Variants in ANKRD55 observed in about 807,000 individuals in gnomAD.
ANKRD55 encodes the protein ankyrin repeat domain 55.
In ANKRD55, 41 loss-of-function variants were observed where a neutral mutation model predicts 60.6. The ratio of observed to expected loss-of-function variants is 0.68; its 90% confidence interval spans 0.53 to 0.88. ANKRD55 has a LOEUF of 0.88. Among genes scored for constraint, ANKRD55 ranks in the 40% least tolerant of loss-of-function variants. The pLI is 0.00. For synonymous variants in ANKRD55, 264 were observed against 290.3 expected (o/e 0.91, Z 0.92); for missense variants, 732 against 767.6 (o/e 0.95, Z 0.55).
chr5:56,100,338 G>T (rs747713392), intron 11 of ANKRD55, 34 bp from the exon 12 acceptor site: 1 of 1,613,272 alleles, frequency 6.2e-7, no homozygotes, highest in South Asian at 1.1e-5. Context: ...AGACTTTCAA[G>T]ATTTGCTTCT....
intron 2 of ANKRD55, among the ~76,000 whole-genome samples, chr5:56,200,401 C>T (rs892616204): frequency 6.6e-6 from 1 of 151,756 alleles, no homozygotes; most frequent in Non-Finnish European, 1.5e-5. Context: ...AAGATCATTT[C>T]TTTCCTTCAT....
chr5:56,192,227 A>G (rs1193639304), intron 2 of ANKRD55, among the ~76,000 whole-genome samples: 1 of 152,228 alleles, frequency 6.6e-6, no homozygotes. Flanking sequence ...CTTTAAACAG[A>G]TAGACTTCTG....
intron 7 of ANKRD55, among the ~76,000 whole-genome samples, chr5:56,128,623 C>T (rs1209787164): frequency 6.6e-6 from 1 of 152,190 alleles, no homozygotes; most frequent in African/African-American, 2.4e-5. Context: ...AAGATCCTCC[C>T]AGGAAGAATG....
chr5:56,223,789 A>G (rs1561298970), intron 2 of ANKRD55, among the ~76,000 whole-genome samples: 2 of 152,386 alleles, frequency 1.3e-5, no homozygotes, highest in South Asian at 4.1e-4. Context: ...AAGAAGAGCT[A>G]TCCTAAATAT....
intron 7 of ANKRD55, among the ~76,000 whole-genome samples, chr5:56,129,466 T>C (rs1406156737): frequency 2.6e-5 from 4 of 152,200 alleles, no homozygotes; most frequent in Admixed American, 6.5e-5. Context: ...GATTGGGAAC[T>C]GAGTCCTAGT....
intron 8 of ANKRD55, among the ~76,000 whole-genome samples, chr5:56,121,922 G>A (rs1286564086): frequency 6.6e-6 from 1 of 152,180 alleles, no homozygotes; most frequent in Non-Finnish European, 1.5e-5. Flanking sequence ...AGCACCTACT[G>A]TTTTCTAGGA....
intron 5 of ANKRD55, among the ~76,000 whole-genome samples, chr5:56,169,312 A>G (rs1758552932): frequency 6.6e-6 from 1 of 152,252 alleles, no homozygotes; most frequent in Non-Finnish European, 1.5e-5. Context: ...AAAAGCAATT[A>G]CGTAGAGTAA....
At chr5:56,115,708 T>C (rs1435468621) in intron 9 of ANKRD55, among the ~76,000 whole-genome samples, 1 of 152,150 alleles carries the variant, frequency 6.6e-6, no homozygotes, top group African/African-American at 2.4e-5. Flanking sequence ...CATGACAATA[T>C]TTTTGTTTTG....
intron 8 of ANKRD55, among the ~76,000 whole-genome samples, chr5:56,121,003 A>T (rs563950269): frequency 8.2e-4 from 125 of 151,910 alleles, no homozygotes; most frequent in African/African-American, 2.9e-3. Flanking sequence ...AGATACTAGG[A>T]GCGAGGGATG....
intron 2 of ANKRD55, among the ~76,000 whole-genome samples, chr5:56,204,175 T>A (rs1166843012): frequency 6.6e-6 from 1 of 152,234 alleles, no homozygotes; most frequent in East Asian, 1.9e-4. Context: ...TTGGTGGGGT[T>A]GCTTTTTTCT....
In ANKRD55 at chr5:56,123,245, AG is replaced by A. The variant is rs1757133122; in HGVS notation, c.797+3676del. ...CAGGTGGTCTCTCAGGCCTGGAGGC[AG>A]CCTGGCAGCTGGACAGAGAAGGGCT... On this transcript the variant is annotated intron_variant, in intron 8 of 11. Transcript: ENST00000341048. 2.6e-5 allele frequency among the ~76,000 whole-genome samples: 4 copies of A among 152,212 alleles called. No homozygotes were observed. In the South Asian group the frequency reaches 8.3e-4, roughly 32 times the overall value.
At chr5:56,186,301 G>A (rs1758972093) in intron 2 of ANKRD55, among the ~76,000 whole-genome samples, 1 of 152,124 alleles carries the variant, frequency 6.6e-6, no homozygotes, top group Non-Finnish European at 1.5e-5. Context: ...CTGAGTAGCT[G>A]GGACTACAGA....
intron 2 of ANKRD55, among the ~76,000 whole-genome samples, chr5:56,208,377 G>A (rs534903467): frequency 3.3e-5 from 5 of 151,580 alleles, no homozygotes; most frequent in South Asian, 2.1e-4. Flanking sequence ...AAGTATTAAC[G>A]TACTGTACAT....
intron 10 of ANKRD55, among the ~76,000 whole-genome samples, chr5:56,104,026 A>G (rs964250604): frequency 2.6e-5 from 4 of 152,188 alleles, no homozygotes; most frequent in Admixed American, 6.5e-5. Flanking sequence ...AAATAACTTC[A>G]GGAGCCATTA....
At chr5:56,165,795 G>GGTGC (rs1168135020) in intron 5 of ANKRD55, among the ~76,000 whole-genome samples, 5 of 152,106 alleles carry the variant, frequency 3.3e-5, no homozygotes, top group African/African-American at 1.2e-4. Context: ...CGGGCATGGT[G>GGTGC]GTGCGTGTCT....
At chr5:56,191,684 C>T (rs1361895784) in intron 2 of ANKRD55, among the ~76,000 whole-genome samples, 1 of 152,154 alleles carries the variant, frequency 6.6e-6, no homozygotes, top group African/African-American at 2.4e-5. Context: ...ACCACCAAAC[C>T]TGTTTAGAAG....
At chr5:56,127,230 G>C (rs945899088) in intron 7 of ANKRD55, 124 bp from the exon 8 acceptor site, 1 of 1,311,490 alleles carries the variant, frequency 7.6e-7, no homozygotes, top group Non-Finnish European at 9.7e-7. Flanking sequence ...AAGATGAAAA[G>C]AGAAAAGGAA....
At chr5:56,208,127 C>A (rs1042014419) in intron 2 of ANKRD55, among the ~76,000 whole-genome samples, 7 of 151,892 alleles carry the variant, frequency 4.6e-5, no homozygotes, top group Non-Finnish European at 8.8e-5. Flanking sequence ...TAGGCCTACA[C>A]AGGGTCAGGA....
intron 2 of ANKRD55, among the ~76,000 whole-genome samples, chr5:56,199,654 G>A (rs1178702791): frequency 6.6e-6 from 1 of 151,962 alleles, no homozygotes; most frequent in Non-Finnish European, 1.5e-5. Context: ...ACTTTGGGAG[G>A]CCGAGGTGGG....
Sources: gnomAD v4.1 joint callset for allele counts (sites outside exome capture counted in the v4.1 genomes callset) on GRCh38, gnomAD v4.1.1 for gene constraint, MANE v1.5 for transcripts, NCBI Gene and HGNC (gene_info 2026-07-23, HGNC 2026-07-21) for gene names.